Variants in DLG2 observed in about 807,000 individuals in gnomAD.
DLG2 encodes discs large MAGUK scaffold protein 2, also known as disks large homolog 2.
In DLG2, 45 loss-of-function variants were observed where a neutral mutation model predicts 132.5. The ratio of observed to expected loss-of-function variants is 0.34; its 90% CI spans 0.27 to 0.44. DLG2 has a LOEUF of 0.44. Among genes scored for constraint, DLG2 ranks in the 20% least tolerant of loss-of-function variants. DLG2 has a pLI of 1.00. For synonymous variants in DLG2, 424 were observed against 419.6 expected (o/e 1.01, Z -0.13); for missense variants, 1,045 against 1,196.9 (o/e 0.87, Z 1.87).
intron 21 of DLG2, among the ~76,000 whole-genome samples, chr11:83,513,101 A>C (rs895646769): frequency 6.6e-6 from 1 of 152,202 alleles, no homozygotes; most frequent in African/African-American, 2.4e-5. Context: ...CCTGAGGAAT[A>C]GCCACACTGT....
chr11:84,536,871 C>G (rs576769176), intron 6 of DLG2, among the ~76,000 whole-genome samples: 2 of 152,320 alleles, frequency 1.3e-5, no homozygotes, highest in African/African-American at 2.4e-5. Flanking sequence ...TGTTCAGGAT[C>G]CCATAAGTTC....
At chr11:83,581,490 C>A (rs113782049) in intron 19 of DLG2, among the ~76,000 whole-genome samples, 1,793 of 149,670 alleles carry the variant, frequency 0.012, 28 homozygotes, top group African/African-American at 0.041. Context: ...TATTTCAGCT[C>A]AAAAAAAAAT....
chr11:83,837,994 C>T (rs2056683304), intron 16 of DLG2, among the ~76,000 whole-genome samples: 1 of 152,146 alleles, frequency 6.6e-6, no homozygotes, highest in Admixed American at 6.5e-5. Flanking sequence ...CCAGAATAAA[C>T]ACACGTATAG....
intron 6 of DLG2, among the ~76,000 whole-genome samples, chr11:84,980,332 G>A (rs779743762): frequency 6.6e-6 from 1 of 152,126 alleles, no homozygotes; most frequent in East Asian, 1.9e-4. Context: ...CCTGGTGGCA[G>A]TTCTCACCAA....
intron 6 of DLG2, among the ~76,000 whole-genome samples, chr11:85,000,151 A>C (rs2058070039): frequency 6.6e-6 from 1 of 152,160 alleles, no homozygotes; most frequent in African/African-American, 2.4e-5. Flanking sequence ...TGTTAGAAAC[A>C]AGTCAGCAAT....
intron 3 of DLG2, among the ~76,000 whole-genome samples, chr11:85,344,810 T>G (rs1262259130): frequency 6.6e-6 from 1 of 152,208 alleles, no homozygotes; most frequent in East Asian, 1.9e-4. Context: ...TTAAATGTTT[T>G]TCAATTCCTG....
intron 7 of DLG2, among the ~76,000 whole-genome samples, chr11:84,422,574 C>T (rs569705820): frequency 9.2e-5 from 14 of 152,136 alleles, no homozygotes; most frequent in South Asian, 4.1e-4. Flanking sequence ...TAACTCATTA[C>T]GCACATTCAA....
At chr11:84,970,212 GA>G (rs2154114111) in intron 6 of DLG2, among the ~76,000 whole-genome samples, 1 of 151,978 alleles carries the variant, frequency 6.6e-6, no homozygotes, top group South Asian at 2.1e-4. Context: ...CATTCCCTCT[GA>G]CCAATACTAA....
intron 3 of DLG2, among the ~76,000 whole-genome samples, chr11:85,492,571 A>G (rs910790048): frequency 6.6e-6 from 1 of 152,162 alleles, no homozygotes; most frequent in African/African-American, 2.4e-5. Context: ...TTTGCTTTTT[A>G]TCATCTCAAA....
At chr11:84,964,632 T>C (rs1566524334) in intron 6 of DLG2, among the ~76,000 whole-genome samples, 1 of 152,152 alleles carries the variant, frequency 6.6e-6, no homozygotes, top group Non-Finnish European at 1.5e-5. Flanking sequence ...TTTCATTCAA[T>C]GAGCATTAAA....
chr11:83,844,222 C>A (rs778770818), intron 16 of DLG2, among the ~76,000 whole-genome samples: 3 of 151,998 alleles, frequency 2.0e-5, no homozygotes, highest in Non-Finnish European at 2.9e-5. Context: ...ACATATCTAT[C>A]CTGATTTTGG....
At chr11:83,463,659 C>T (rs1241001367) in intron 26 of DLG2, among the ~76,000 whole-genome samples, 1 of 152,108 alleles carries the variant, frequency 6.6e-6, no homozygotes, top group African/African-American at 2.4e-5. Context: ...GGTATGGTGG[C>T]ACATACCTTT....
rs977957405 is a variant in DLG2 at position 84,288,293 on chromosome 11, A to C, written c.520-37002T>G. On this transcript the variant is annotated intron_variant, in intron 7 of 27. Transcript: ENST00000376104. ...CTTAAATATTTCTTAGAGTATAAGA[A>C]AGTACTAAAGATTAATAAATAAATG... Among the ~76,000 whole-genome samples, 7 of 152,004 alleles carry C rather than the reference A, an allele frequency of 4.6e-5. No homozygotes were observed. The East Asian group carries it at 1.3e-3, about 29-fold the overall frequency.
At chr11:83,857,126 T>C (rs1428750072) in intron 16 of DLG2, among the ~76,000 whole-genome samples, 6 of 152,182 alleles carry the variant, frequency 3.9e-5, no homozygotes, top group Admixed American at 2.6e-4. Flanking sequence ...CAAAATCATA[T>C]AGTTGCAGAT....
chr11:84,244,342 C>T (rs946955779), intron 8 of DLG2, among the ~76,000 whole-genome samples: 4 of 152,118 alleles, frequency 2.6e-5, no homozygotes, highest in Admixed American at 2.0e-4. Flanking sequence ...CACCACCACA[C>T]CTGGGTAATT....
intron 18 of DLG2, among the ~76,000 whole-genome samples, chr11:83,705,011 C>T (rs1292977291): frequency 6.6e-6 from 1 of 152,028 alleles, no homozygotes; most frequent in Non-Finnish European, 1.5e-5. Context: ...CACAAATATA[C>T]CTCCTGAATC....
At chr11:84,537,716 G>A (rs2099358911) in intron 6 of DLG2, among the ~76,000 whole-genome samples, 1 of 152,146 alleles carries the variant, frequency 6.6e-6, no homozygotes, top group Non-Finnish European at 1.5e-5. Flanking sequence ...AATCTTGTAA[G>A]GACTGGGACC....
At chr11:84,611,434 T>C (rs1012810923) in intron 6 of DLG2, among the ~76,000 whole-genome samples, 1 of 152,104 alleles carries the variant, frequency 6.6e-6, no homozygotes, top group African/African-American at 2.4e-5. Context: ...TATATACAGA[T>C]GAACAGAGAC....
intron 5 of DLG2, among the ~76,000 whole-genome samples, chr11:85,126,959 T>C (rs918324792): frequency 6.6e-6 from 1 of 152,088 alleles, no homozygotes; most frequent in Non-Finnish European, 1.5e-5. Context: ...GGTATAAGAA[T>C]GGGCAACACA....
Sources: gnomAD v4.1 joint callset for allele counts (sites outside exome capture counted in the v4.1 genomes callset) on GRCh38, gnomAD v4.1.1 for gene constraint, MANE v1.5 for transcripts, NCBI Gene and HGNC (gene_info 2026-07-23, HGNC 2026-07-21) for gene names.